EBF1: variants seen among roughly 807,000 people sequenced by gnomAD.
The protein encoded by EBF1 is transcription factor COE1.
A neutral mutation model predicts 68.4 loss-of-function variants in EBF1; 10 were observed. That is an observed-to-expected ratio of 0.15 (90% CI 0.09 to 0.25). EBF1 has a LOEUF of 0.25. EBF1 is among the 10% of genes least tolerant of loss of function. The pLI is 1.00. For missense variants in EBF1, 509 were observed against 794.4 expected (o/e 0.64, Z 4.32); for synonymous variants, 298 against 299.8 (o/e 0.99, Z 0.06).
intron 6 of EBF1, among the ~76,000 whole-genome samples, chr5:158,938,340 C>G (rs542915390): frequency 8.5e-5 from 13 of 152,282 alleles, no homozygotes; most frequent in African/African-American, 2.9e-4. Flanking sequence ...CTTTCACCCC[C>G]CTCCTCCCCT....
At chr5:158,768,866 A>G (rs1773312739) in intron 10 of EBF1, among the ~76,000 whole-genome samples, 1 of 152,192 alleles carries the variant, frequency 6.6e-6, no homozygotes, top group African/African-American at 2.4e-5. Context: ...TCGGTTTAAA[A>G]AAAGTGAAAA....
intron 8 of EBF1, among the ~76,000 whole-genome samples, chr5:158,815,709 C>T (rs1354514643): frequency 1.3e-5 from 2 of 152,182 alleles, no homozygotes; most frequent in Non-Finnish European, 1.5e-5. Context: ...CTGTCTGATG[C>T]TGAGATCCTG....
chr5:159,098,776 GGAGAA>G (rs1783105171), intron 1 of EBF1, among the ~76,000 whole-genome samples: 1 of 120,756 alleles, frequency 8.3e-6, no homozygotes, highest in East Asian at 2.8e-4. Flanking sequence ...GGAAGAGGAA[GGAGAA>G]GAGAAGAAAA....
At chr5:158,963,213 T>G (rs1250318802) in intron 6 of EBF1, among the ~76,000 whole-genome samples, 1 of 152,216 alleles carries the variant, frequency 6.6e-6, no homozygotes, top group Non-Finnish European at 1.5e-5. Flanking sequence ...AATTATGGTA[T>G]CCCACCAGAT....
At chr5:158,742,911 C>T (rs1766726880) in intron 10 of EBF1, among the ~76,000 whole-genome samples, 1 of 152,168 alleles carries the variant, frequency 6.6e-6, no homozygotes, top group South Asian at 2.1e-4. Flanking sequence ...GTGTTTTATA[C>T]TGTTTAATTA....
Position 158,777,461 on chromosome 5 carries a change from T to G in EBF1, c.988A>C (p.Lys330Gln). The G allele has an allele frequency of 6.2e-7, 1 of 1,613,008 alleles. No individual in the cohort carries two copies. Among genetic ancestry groups the G allele is most frequent in the Non-Finnish European group, 8.5e-7 (1 of 1,179,308 alleles). ...GTTCCTTTGCAGAACTGCTTAGATT[T>G]GTAGGACAGTGTGACTTCCACAACA... is the stretch of plus-strand genomic sequence containing the variant. ...PGVVEVTLSY[K>Q]SKQFCKGTPG... is the part of the protein sequence containing the mutation. Residue 330 changes from lysine to glutamine, a missense_variant, in exon 10 of 16, where the codon AAA (lysine) becomes CAA (glutamine). By Grantham distance (53) the Lys-to-Gln change is moderately conservative. This residue lies in a region of EBF1 where 230 missense variants were observed against 467.7 expected (regional missense o/e 0.49). Coordinates refer to ENST00000313708, the MANE Select transcript of EBF1 (RefSeq NM_024007.5).
At chr5:158,964,411 G>A (rs73816849) in intron 6 of EBF1, among the ~76,000 whole-genome samples, 1 of 152,074 alleles carries the variant, frequency 6.6e-6, no homozygotes, top group African/African-American at 2.4e-5. Flanking sequence ...AAACCGAGTA[G>A]GGTTAAGACT....
At chr5:158,796,228 A>G in intron 9 of EBF1, 117 bp downstream of exon 9, 1 of 1,152,410 alleles carries the variant, frequency 8.7e-7, no homozygotes. Context: ...TGTAGACTGA[A>G]GCTGGCCCAC....
chr5:158,942,030 TA>T (rs1813540203), intron 6 of EBF1, among the ~76,000 whole-genome samples: 1 of 152,200 alleles, frequency 6.6e-6, no homozygotes, highest in African/African-American at 2.4e-5. Context: ...ATTTTATAAA[TA>T]TGCAATATTC....
At chr5:158,778,329 C>A (rs1287094510) in intron 9 of EBF1, among the ~76,000 whole-genome samples, 1 of 152,132 alleles carries the variant, frequency 6.6e-6, no homozygotes, top group Non-Finnish European at 1.5e-5. Context: ...TTATCTGGTT[C>A]TTTGAAAAAT....
At chr5:159,055,609 C>T (rs1230703902) in intron 6 of EBF1, among the ~76,000 whole-genome samples, 3 of 152,158 alleles carry the variant, frequency 2.0e-5, no homozygotes, top group Non-Finnish European at 2.9e-5. Context: ...CTATTAGTAC[C>T]TTGAAGATGA....
chr5:158,805,791 T>A (rs1781473817), intron 8 of EBF1, among the ~76,000 whole-genome samples: 2 of 152,124 alleles, frequency 1.3e-5, no homozygotes, highest in Non-Finnish European at 2.9e-5. Flanking sequence ...TAAGATTAGA[T>A]GATGTATAAT....
intron 6 of EBF1, among the ~76,000 whole-genome samples, chr5:159,048,626 C>A (rs187242009): frequency 1.4e-4 from 21 of 152,346 alleles, no homozygotes; most frequent in Middle Eastern, 3.4e-3. Context: ...CACTGCCTTA[C>A]TTTTTCTTCC....
chr5:158,870,667 C>G (rs148141224), intron 6 of EBF1, among the ~76,000 whole-genome samples: 1 of 152,088 alleles, frequency 6.6e-6, no homozygotes, highest in African/African-American at 2.4e-5. Flanking sequence ...CAGAGTGAGA[C>G]CCTGTCTCAA....
intron 8 of EBF1, among the ~76,000 whole-genome samples, chr5:158,816,088 C>G (rs1783683364): frequency 6.6e-6 from 1 of 152,226 alleles, no homozygotes. Flanking sequence ...AGCCTGGGCC[C>G]TTCACCAAGA....
At chr5:158,725,605 C>T (rs1367680929) in intron 11 of EBF1, among the ~76,000 whole-genome samples, 1 of 152,236 alleles carries the variant, frequency 6.6e-6, no homozygotes, top group Admixed American at 6.5e-5. Context: ...AAAGGCTGCT[C>T]ATCTGGCAGT....
At chr5:158,907,459 T>C (rs1481995564) in intron 6 of EBF1, among the ~76,000 whole-genome samples, 2 of 152,230 alleles carry the variant, frequency 1.3e-5, no homozygotes, top group African/African-American at 4.8e-5. Flanking sequence ...TATTGCTAGA[T>C]ACCCAATTAA....
intron 6 of EBF1, among the ~76,000 whole-genome samples, chr5:158,976,775 G>A (rs1427539884): frequency 2.6e-5 from 4 of 152,062 alleles, no homozygotes; most frequent in Non-Finnish European, 4.4e-5. Flanking sequence ...TTACCTTAAC[G>A]GTCTCACATC....
In EBF1 at chr5:158,698,821, TAAAAAA is replaced by T. The variant is rs895114194; in HGVS notation, c.*284_*289del. 17 of 264,598 alleles carry T rather than the reference TAAAAAA, an allele frequency of 6.4e-5. No homozygotes were observed. The highest frequency in any genetic ancestry group is 3.0e-4 in the South Asian group (2 of 6,614). 16.4% of individuals were successfully genotyped at this position (264,598 alleles called of 1,614,324 possible). On this transcript the variant is annotated 3_prime_UTR_variant, in exon 16 of 16. Transcript: ENST00000313708. ...AGACAAATGATTGCAGAATTAAGCTTAAAAAAAAAAAAGAAAAAGAAAAAGTGGATT... is the reference window on the plus strand; with the variant it reads ...AGACAAATGATTGCAGAATTAAGCTTAAAAAAGAAAAAGAAAAAGTGGATT...
Sources: allele counts gnomAD v4.1 joint callset (sites outside exome capture counted in the v4.1 genomes callset), GRCh38; gene constraint gnomAD v4.1.1; regional missense constraint gnomAD v4.1.1; transcripts MANE v1.5; gene names NCBI Gene and HGNC (gene_info 2026-07-23, HGNC 2026-07-21).